The following ZNF780B variants were observed in gnomAD, a reference collection of about 807,000 sequenced individuals.
ZNF780B encodes the protein zinc finger protein 779.
In ZNF780B, 52 loss-of-function variants were observed where a neutral mutation model predicts 74.1. The ratio of observed to expected loss-of-function variants is 0.70; its 90% confidence interval spans 0.56 to 0.88. ZNF780B has a LOEUF of 0.88. ZNF780B is among the 40% of genes least tolerant of loss of function. The pLI is 0.00. For synonymous variants in ZNF780B, 315 were observed against 324.3 expected (o/e 0.97, Z 0.31); for missense variants, 953 against 1,007.6 (o/e 0.95, Z 0.73).
intron 4 of ZNF780B, among the ~76,000 whole-genome samples, chr19:40,042,135 A>G (rs1222900254): frequency 1.3e-5 from 2 of 152,118 alleles, no homozygotes; most frequent in Non-Finnish European, 2.9e-5. Context: ...TTGCTTGTCT[A>G]TAAAGGATTT....
intron 4 of ZNF780B, among the ~76,000 whole-genome samples, chr19:40,036,831 C>T (rs234338): frequency 6.6e-6 from 1 of 151,332 alleles, no homozygotes; most frequent in Non-Finnish European, 1.5e-5. Context: ...AGGTGTGAAT[C>T]AAAACCATTT....
intron 2 of ZNF780B, among the ~76,000 whole-genome samples, chr19:40,049,936 G>A (rs1474993870): frequency 5.9e-5 from 9 of 152,064 alleles, no homozygotes; most frequent in South Asian, 4.1e-4. Context: ...AGTGGCTCAC[G>A]CCTGTAATCC....
intron 1 of ZNF780B, among the ~76,000 whole-genome samples, chr19:40,055,127 G>A (rs1351193815): frequency 6.6e-6 from 1 of 152,164 alleles, no homozygotes; most frequent in African/African-American, 2.4e-5. Flanking sequence ...TTTCAAAGCA[G>A]AGTCTAAAAT....
At chr19:40,037,755 C>T (rs1445504153) in intron 4 of ZNF780B, among the ~76,000 whole-genome samples, 3 of 152,036 alleles carry the variant, frequency 2.0e-5, no homozygotes, top group African/African-American at 7.2e-5. Context: ...GATCTCTAAC[C>T]ACTCCCTCCT....
At chr19:40,046,350 C>A (rs964102344) in intron 4 of ZNF780B, among the ~76,000 whole-genome samples, 3 of 152,120 alleles carry the variant, frequency 2.0e-5, no homozygotes, top group African/African-American at 7.2e-5. Flanking sequence ...ATGCATGGAA[C>A]AAAACATAAC....
Position 40,033,802 on chromosome 19 carries a change from AAAGG to A in ZNF780B, c.*551_*554del, listed in dbSNP as rs1213147271. Reference sequence around the variant, plus strand: ...CCAGTATGAATTCTGTGATGTGCAGAAAGGACTGAACTAAGTCTAAAGGTCTTCC... The same window carrying A: ...CCAGTATGAATTCTGTGATGTGCAGAACTGAACTAAGTCTAAAGGTCTTCC... On this transcript the variant is annotated 3_prime_UTR_variant, in exon 5 of 5. Coordinates refer to ENST00000434248, the MANE Select transcript of ZNF780B (RefSeq NM_001005851.3). The A allele has an allele frequency of 5.7e-6, 1 of 174,438 alleles. No homozygotes were observed. Among genetic ancestry groups the A allele is most frequent in the Non-Finnish European group, 1.3e-5 (1 of 79,254 alleles). 10.8% of individuals were successfully genotyped at this position (174,438 alleles called of 1,614,324 possible). A position where few individuals can be genotyped will look rare whatever the true frequency, so the allele number is the denominator to read the frequency against.
chr19:40,035,770 G>T lies in ZNF780B; in HGVS notation c.1089C>A (p.Cys363Ter). 1 of 1,613,466 alleles carries T rather than the reference G, an allele frequency of 6.2e-7. No individual in the cohort carries two copies. The highest frequency in any genetic ancestry group is 8.5e-7 in the Non-Finnish European group (1 of 1,179,822). The change falls in exon 5 of 5, where the codon TGC becomes TGA. Residue 363 changes from cysteine (C) to a stop codon, truncating the protein, a stop_gained. Coordinates refer to ENST00000434248, the MANE Select transcript of ZNF780B (RefSeq NM_001005851.3). LOFTEE classifies it high-confidence loss of function. ...KIHMGEKPFE[C>*]RECGKAFSLL... ...GACTAAAGGCCTTCCCGCATTCCCTGCATTCAAAGGGCTTCTCACCCATAT... is the reference window on the plus strand; with the variant it reads ...GACTAAAGGCCTTCCCGCATTCCCTTCATTCAAAGGGCTTCTCACCCATAT...
Position 40,036,210 on chromosome 19 carries a change from C to A in ZNF780B, c.649G>T (p.Gly217Cys). The change falls in exon 5 of 5, where the codon GGT becomes TGT. Residue 217 changes from glycine to cysteine, a missense_variant. Gly to Cys is a radical substitution (Grantham distance 159, BLOSUM62 -3). Transcript: ENST00000434248. ...TCCTTACATTCAAAAGTTTTCTCAC[C>A]AGTATGAAATTTCTGATGTCGAGTA... The part of the protein sequence containing the change: ...QLTRHQKFHT[G>C]EKTFECKECG... 1 of 1,611,796 alleles carries A rather than the reference C, an allele frequency of 6.2e-7. No individual in the cohort carries two copies. Among genetic ancestry groups the A allele is most frequent in the Non-Finnish European group, 8.5e-7 (1 of 1,179,328 alleles).
chr19:40,035,250 C>G lies in ZNF780B; in HGVS notation c.1609G>C (p.Ala537Pro). 1 of 1,613,998 alleles carries G rather than the reference C, an allele frequency of 6.2e-7. No individual in the cohort carries two copies. The highest frequency in any genetic ancestry group is 8.5e-7 in the Non-Finnish European group (1 of 1,180,002). Residue 537 changes from alanine to proline, a missense_variant, in exon 5 of 5, where the codon GCT (alanine) becomes CCT (proline). By Grantham distance (27) the Ala-to-Pro change is conservative. Transcript: ENST00000434248. ...GAAAGTTGTAGGTGAAGTCTAAAAG[C>G]CTTCCCACACTCCTTACATTCATAG... ...KPYECKECGK[A>P]FRLHLQLSQH...
chr19:40,030,592 G>A lies in ZNF780B; in HGVS notation c.*3765C>T, dbSNP rs192562380. 2.4e-4 allele frequency: 36 copies of A among 152,294 alleles called. No individual in the cohort carries two copies. The highest frequency in any genetic ancestry group is 6.7e-4 in the African/African-American group (28 of 41,552). The allele number at this position is 152,294 out of a possible 1,614,324, so 9.4% of individuals were successfully genotyped here. The stretch of plus-strand genomic sequence containing the variant: ...TTGGGGATTACAGGCGTGAGCCACC[G>A]TGCCTGGCCGTGATTTTTAAATTTG... On this transcript the variant is annotated 3_prime_UTR_variant, in exon 5 of 5. Coordinates refer to ENST00000434248, the MANE Select transcript of ZNF780B (RefSeq NM_001005851.3).
chr19:40,049,060 G>GA (rs374744126), intron 2 of ZNF780B: 10,543 of 258,022 alleles, frequency 0.041, 6 homozygotes, highest in South Asian at 0.06. Flanking sequence ...GCACTCCCTG[G>GA]AAAAAAAAAA....
rs774899722 is a variant in ZNF780B at position 40,035,940 on chromosome 19, A to C, written c.919T>G (p.Cys307Gly). ...CGAAAGGCCATCTCACATTCCCTAC[A>C]TACAAAGGGTTTCTCATTGGAATGA... ...KIHSNEKPFV[C>G]RECEMAFRYH... Residue 307 changes from cysteine (C) to glycine (G), a missense_variant, in exon 5 of 5, where the codon TGT (cysteine) becomes GGT (glycine). Cys to Gly is a radical substitution (Grantham distance 159, BLOSUM62 -3). Transcript: ENST00000434248. 11 of 1,613,682 alleles carry C rather than the reference A, an allele frequency of 6.8e-6. No homozygotes were observed. In the Admixed American group the frequency reaches 1.5e-4, roughly 22 times the overall value.
intron 4 of ZNF780B, among the ~76,000 whole-genome samples, chr19:40,039,403 T>G (rs940074903): frequency 6.6e-6 from 1 of 152,198 alleles, no homozygotes; most frequent in Non-Finnish European, 1.5e-5. Context: ...GGGCTCTTTT[T>G]TGGTTCCATA....
chr19:40,044,052 C>A (rs1972810638), intron 4 of ZNF780B, among the ~76,000 whole-genome samples: 1 of 152,176 alleles, frequency 6.6e-6, no homozygotes, highest in South Asian at 2.1e-4. Flanking sequence ...TTGGTTCCAC[C>A]CCTCTAACTC....
rs776457388 is a variant in ZNF780B, at chr19:40,036,508, A to C, written c.351T>G (p.Tyr117Ter). 6.2e-7 allele frequency: 1 copy of C among 1,609,202 alleles called. No individual in the cohort carries two copies. Among genetic ancestry groups the C allele is most frequent in the East Asian group, 2.2e-5 (1 of 44,820 alleles). Residue 117 changes from tyrosine to a stop codon, truncating the protein, a stop_gained, in exon 5 of 5, where the codon TAT becomes TAG. Coordinates refer to ENST00000434248, the MANE Select transcript of ZNF780B (RefSeq NM_001005851.3). LOFTEE classifies it high-confidence loss of function. ...TTCTATATTCTGAGTCATTTCTAAA[A>C]TAAAAGGCCTCGAGGCCAAGTGTTT... ...ISKTLGLEAF[Y>*]FRNDSEYRSR... is the part of the protein sequence containing the mutation.
At chr19:40,054,959 A>C (rs1973420363) in intron 1 of ZNF780B, among the ~76,000 whole-genome samples, 1 of 152,068 alleles carries the variant, frequency 6.6e-6, no homozygotes, top group Non-Finnish European at 1.5e-5. Context: ...AAAAATCCTG[A>C]CTCTGGTTGA....
At chr19:40,041,268 A>T (rs1452873912) in intron 4 of ZNF780B, among the ~76,000 whole-genome samples, 1 of 152,262 alleles carries the variant, frequency 6.6e-6, no homozygotes, top group East Asian at 1.9e-4. Flanking sequence ...GTGGTCTGAG[A>T]GACAGTTTGT....
intron 4 of ZNF780B, among the ~76,000 whole-genome samples, chr19:40,040,282 C>A (rs1378019383): frequency 1.3e-5 from 2 of 152,192 alleles, no homozygotes; most frequent in African/African-American, 4.8e-5. Flanking sequence ...GGTGGAAAAG[C>A]TTTTTGATGT....
intron 4 of ZNF780B, among the ~76,000 whole-genome samples, chr19:40,040,407 G>C (rs1243415298): frequency 3.9e-5 from 6 of 152,186 alleles, no homozygotes; most frequent in African/African-American, 7.2e-5. Context: ...TTTGGTATCA[G>C]GATGATGCTG....
Sources: allele counts gnomAD v4.1 joint callset (sites outside exome capture counted in the v4.1 genomes callset), GRCh38; gene constraint gnomAD v4.1.1; transcripts MANE v1.5; gene names NCBI Gene and HGNC (gene_info 2026-07-23, HGNC 2026-07-21).